DNAH11: variants seen among roughly 807,000 people sequenced by gnomAD.
The protein encoded by DNAH11 is dynein axonemal heavy chain 11.
Under a neutral mutation model 526.0 loss-of-function variants are expected in DNAH11, and 442 were observed. That is an observed-to-expected ratio of 0.84 (90% CI 0.78 to 0.91). The LOEUF (loss-of-function observed/expected upper bound fraction) is 0.91. Among genes scored for constraint, DNAH11 ranks in the 40% least tolerant of loss-of-function variants. DNAH11 has a pLI of 0.00. For synonymous variants in DNAH11, 2,461 were observed against 1,935.9 expected (o/e 1.27, Z -7.12); for missense variants, 6,989 against 5,448.7 (o/e 1.28, Z -8.90).
rs139331061 is a variant in DNAH11, at chr7:21,648,549, A to T, written c.4945-7283A>T. Among the ~76,000 whole-genome samples the T allele has an allele frequency of 1.7e-3, 255 of 152,350 alleles. 1 individual carries two copies. Among genetic ancestry groups the T allele is most frequent in the Admixed American group, 3.6e-3 (55 of 15,302 alleles). On this transcript the variant is annotated intron_variant, in intron 28 of 81. Transcript: ENST00000409508. ...GCTACCAGCTGAGCAACCATCACAC[A>T]CATGAGAGAAGCCACCGATCACCAG...
chr7:21,747,042 C>T (rs1562523576), intron 51 of DNAH11, among the ~76,000 whole-genome samples: 2 of 152,136 alleles, frequency 1.3e-5, no homozygotes, highest in African/African-American at 2.4e-5. Context: ...CTGATTTACT[C>T]AGCATTAGAG....
At chr7:21,813,824 A>G (rs1789642100) in intron 63 of DNAH11, among the ~76,000 whole-genome samples, 2 of 152,346 alleles carry the variant, frequency 1.3e-5, no homozygotes, top group African/African-American at 2.4e-5. Flanking sequence ...TTGAACTTAA[A>G]GGGTTCCCTC....
At chr7:21,757,610 T>C (rs779560066) in intron 54 of DNAH11, among the ~76,000 whole-genome samples, 12 of 152,210 alleles carry the variant, frequency 7.9e-5, no homozygotes, top group Non-Finnish European at 1.5e-4. Context: ...CTTGGTTTTG[T>C]AAAGTATTTC....
chr7:21,872,123 CAAAAAAA>C lies in DNAH11; in HGVS notation c.11968-1131_11968-1125del, dbSNP rs776718319. Among the ~76,000 whole-genome samples, 28 of 30,832 alleles carry C rather than the reference CAAAAAAA, an allele frequency of 9.1e-4. 1 individual carries two copies. The highest frequency in any genetic ancestry group is 2.1e-3 in the African/African-American group (17 of 7,954). 20.2% of individuals were successfully genotyped at this position (30,832 alleles called of 152,430 possible). ...TGGGTGACAGAGCGAGACTCTGTCT[CAAAAAAA>C]AAAAAAAAAAAAAAAAAAACCTTCA... On this transcript the variant is annotated intron_variant, in intron 73 of 81. Coordinates refer to ENST00000409508, the MANE Select transcript of DNAH11 (RefSeq NM_001277115.2).
At chr7:21,694,330 C>A (rs1562494082) in intron 35 of DNAH11, among the ~76,000 whole-genome samples, 1 of 152,128 alleles carries the variant, frequency 6.6e-6, no homozygotes, top group Non-Finnish European at 1.5e-5. Context: ...GGTATTTGTC[C>A]TAATGATCTC....
In DNAH11 at chr7:21,600,871, G is replaced by A. The variant is rs1785056678; in HGVS notation, c.3196G>A (p.Ala1066Thr). 2 of 1,613,932 alleles carry A rather than the reference G, an allele frequency of 1.2e-6. No homozygotes were observed. Among genetic ancestry groups the A allele is most frequent in the South Asian group, 1.1e-5 (1 of 91,064 alleles). Residue 1066 changes from alanine (A) to threonine (T), a missense_variant, in exon 16 of 82, where the codon GCT becomes ACT. Ala to Thr is a moderately conservative substitution (Grantham distance 58, BLOSUM62 0). Transcript: ENST00000409508. ...GHAVSSDEMD[A>T]HANEEIPEQP... ...TGCTGTGTCTTCCGATGAAATGGAT[G>A]CTCATGCAAATGAAGAAATTCCCGA...
chr7:21,617,293 A>G (rs1785823940), intron 22 of DNAH11, among the ~76,000 whole-genome samples: 1 of 152,184 alleles, frequency 6.6e-6, no homozygotes, highest in Non-Finnish European at 1.5e-5. Context: ...GTCTGTTTCC[A>G]TTTACTTATG....
intron 55 of DNAH11, among the ~76,000 whole-genome samples, chr7:21,766,868 A>G (rs1787205806): frequency 6.6e-6 from 1 of 152,218 alleles, no homozygotes; most frequent in Non-Finnish European, 1.5e-5. Flanking sequence ...AGAGCCGTCA[A>G]GCAACATCTA....
intron 68 of DNAH11, among the ~76,000 whole-genome samples, chr7:21,859,212 G>T (rs921101716): frequency 6.6e-6 from 1 of 152,042 alleles, no homozygotes; most frequent in African/African-American, 2.4e-5. Context: ...CTCCCAGGTT[G>T]AAGCGATTCT....
At chr7:21,683,094 A>G (rs1188220179) in intron 31 of DNAH11, among the ~76,000 whole-genome samples, 3 of 152,218 alleles carry the variant, frequency 2.0e-5, no homozygotes, top group Non-Finnish European at 2.9e-5. Context: ...GTACTAAAAA[A>G]TACTTTGTCT....
chr7:21,791,177 C>T (rs559505427), intron 61 of DNAH11, among the ~76,000 whole-genome samples: 1 of 152,262 alleles, frequency 6.6e-6, no homozygotes, highest in South Asian at 2.1e-4. Context: ...GGCGGCACAA[C>T]CCTGGCAGTT....
chr7:21,847,702 A>G (rs1342306383), intron 66 of DNAH11, among the ~76,000 whole-genome samples: 1 of 152,222 alleles, frequency 6.6e-6, no homozygotes, highest in Non-Finnish European at 1.5e-5. Flanking sequence ...GATGATGCAC[A>G]GTTCGACTAT....
At chr7:21,841,900 A>C (rs1227343597) in intron 65 of DNAH11, among the ~76,000 whole-genome samples, 1 of 152,016 alleles carries the variant, frequency 6.6e-6, no homozygotes, top group Non-Finnish European at 1.5e-5. Context: ...GCTGCTTAAG[A>C]TTTTCTGCTT....
intron 34 of DNAH11, among the ~76,000 whole-genome samples, chr7:21,687,792 T>C (rs574689887): frequency 1.4e-4 from 21 of 152,356 alleles, no homozygotes; most frequent in African/African-American, 4.8e-4. Flanking sequence ...CAGTGACTCA[T>C]GCTTGTGATC....
At chr7:21,829,977 A>ACGACTTTC (rs1188541090) in intron 65 of DNAH11, among the ~76,000 whole-genome samples, 1 of 152,204 alleles carries the variant, frequency 6.6e-6, no homozygotes, top group Non-Finnish European at 1.5e-5. Context: ...TCCAACAGTA[A>ACGACTTTC]CGACTTTCCG....
intron 6 of DNAH11, among the ~76,000 whole-genome samples, chr7:21,565,056 G>C (rs1026896519): frequency 3.3e-5 from 5 of 152,176 alleles, no homozygotes; most frequent in African/African-American, 1.2e-4. Context: ...TTCTTATTTG[G>C]AACCACTTAG....
chr7:21,700,078 A>C (rs892968855), intron 36 of DNAH11, among the ~76,000 whole-genome samples: 1 of 152,200 alleles, frequency 6.6e-6, no homozygotes, highest in African/African-American at 2.4e-5. Flanking sequence ...ATTTGATTTT[A>C]TTAGCCCTGT....
chr7:21,754,891 C>A (rs910582208), intron 54 of DNAH11, among the ~76,000 whole-genome samples: 18 of 152,178 alleles, frequency 1.2e-4, no homozygotes, highest in African/African-American at 4.3e-4. Flanking sequence ...ACCCCCACAT[C>A]CTTGGAATTT....
intron 42 of DNAH11, among the ~76,000 whole-genome samples, chr7:21,714,759 T>TCC (rs1013818674): frequency 1.4e-4 from 21 of 152,116 alleles, no homozygotes; most frequent in African/African-American, 4.6e-4. Flanking sequence ...ATTTACTTTC[T>TCC]CTCTCTCTCT....
Sources: gnomAD v4.1 joint callset for allele counts (sites outside exome capture counted in the v4.1 genomes callset) on GRCh38, gnomAD v4.1.1 for gene constraint, MANE v1.5 for transcripts, NCBI Gene and HGNC (gene_info 2026-07-23, HGNC 2026-07-21) for gene names.